ZNF454: variants seen among roughly 807,000 people sequenced by gnomAD.
ZNF454 encodes the protein zinc finger protein 454.
A neutral mutation model predicts 48.2 loss-of-function variants in ZNF454; 30 were observed. The ratio of observed to expected loss-of-function variants is 0.62; its 90% CI spans 0.47 to 0.84. The LOEUF (loss-of-function observed/expected upper bound fraction) is 0.84. Among genes scored for constraint, ZNF454 ranks in the 40% least tolerant of loss-of-function variants. The pLI is 0.00. For synonymous variants in ZNF454, 204 were observed against 211.4 expected (o/e 0.97, Z 0.30); for missense variants, 510 against 623.1 (o/e 0.82, Z 1.93).
Position 178,941,344 on chromosome 5 carries a change from C to T in ZNF454, c.-208C>T. The T allele has an allele frequency of 2.2e-6, 1 of 454,216 alleles. No homozygotes were observed. Among genetic ancestry groups the T allele is most frequent in the Non-Finnish European group, 4.4e-6 (1 of 225,658 alleles). 28.1% of individuals were successfully genotyped at this position (454,216 alleles called of 1,614,324 possible). A position where few individuals can be genotyped will look rare whatever the true frequency, so the allele number is the denominator to read the frequency against. On this transcript the variant is annotated 5_prime_UTR_variant, in exon 1 of 5. Transcript: ENST00000519564. The surrounding 1 kb of genome is among the most constrained non-coding windows in gnomAD (Gnocchi z 5.5). The stretch of plus-strand genomic sequence containing the variant: ...GCCGCAGAGGGAGAGCGGGAGCGGT[C>T]GTGAGGTCGTCTGGGGAGAAGGGCG...
chr5:178,987,374 G>T, the ZNF454 span: 1 of 467,194 alleles, frequency 2.1e-6, no homozygotes, highest in Non-Finnish European at 4.3e-6. Flanking sequence ...GTTCACAGCA[G>T]CGTTATTCAC....
chr5:178,963,685 A>C (rs1760062348), intron 4 of ZNF454, among the ~76,000 whole-genome samples: 2 of 151,766 alleles, frequency 1.3e-5, no homozygotes, highest in Non-Finnish European at 2.9e-5. Context: ...ACTTTGCCAC[A>C]AAATATCTCA....
intron 4 of ZNF454, among the ~76,000 whole-genome samples, chr5:178,960,406 T>C (rs1759964984): frequency 2.6e-5 from 4 of 151,612 alleles, no homozygotes; most frequent in Non-Finnish European, 5.9e-5. Context: ...TACAGGCATG[T>C]GCCACCACGC....
In ZNF454 at chr5:178,946,290, C is replaced by A; in HGVS notation, c.34-69C>A. The A allele has an allele frequency of 6.3e-7, 1 of 1,583,586 alleles. No homozygotes were observed. Among genetic ancestry groups the A allele is most frequent in the Non-Finnish European group, 8.5e-7 (1 of 1,170,382 alleles). ...ATGCGCACAAGCTCCTAGGGGCTGCCAGTCTCTTTTCCAGAGAACCATGTG... is the reference window on the plus strand; with the variant it reads ...ATGCGCACAAGCTCCTAGGGGCTGCAAGTCTCTTTTCCAGAGAACCATGTG... On this transcript the variant is annotated intron_variant, in intron 2 of 4. Transcript: ENST00000519564. The surrounding 1 kb of genome is among the most constrained non-coding windows in gnomAD (Gnocchi z 4.5).
the ZNF454 span, chr5:178,980,239 T>A: frequency 6.5e-6 from 1 of 154,122 alleles, no homozygotes; most frequent in Admixed American, 6.6e-5. The surrounding 1 kb of genome is among the most constrained non-coding windows in gnomAD (Gnocchi z 4.3). Context: ...TATACTGATC[T>A]TAAACAGTGG....
At chr5:178,972,068 G>T in the ZNF454 span, among the ~76,000 whole-genome samples, 1,044 of 151,956 alleles carry the variant, frequency 6.9e-3, 6 homozygotes, top group Non-Finnish European at 0.012. Context: ...CTAGTAGTTG[G>T]GATTACAGGC....
chr5:178,977,784 C>T, the ZNF454 span, among the ~76,000 whole-genome samples: 1 of 152,026 alleles, frequency 6.6e-6, no homozygotes, highest in Non-Finnish European at 1.5e-5. Flanking sequence ...GGTGTTTCGC[C>T]ATGTTGGCCA....
At chr5:178,986,162 G>C in the ZNF454 span, 12,799 of 1,613,856 alleles carry the variant, frequency 7.9e-3, 61 homozygotes, top group Non-Finnish European at 9.9e-3. Context: ...GTGATGACCA[G>C]CTGTGAGGTG....
chr5:178,977,673 G>A, the ZNF454 span, among the ~76,000 whole-genome samples: 6 of 151,852 alleles, frequency 4.0e-5, no homozygotes, highest in South Asian at 4.1e-4. Context: ...GGGTTCAAGC[G>A]ATTCTCCAGC....
At chr5:178,960,500 C>A (rs762761445) in intron 4 of ZNF454, among the ~76,000 whole-genome samples, 1 of 151,024 alleles carries the variant, frequency 6.6e-6, no homozygotes, top group Middle Eastern at 3.5e-3. Flanking sequence ...GTGATCCACC[C>A]GCCTTGGCCT....
the ZNF454 span, among the ~76,000 whole-genome samples, chr5:178,975,912 A>C: frequency 1.6e-4 from 24 of 152,214 alleles, 1 homozygote; most frequent in East Asian, 3.7e-3. Flanking sequence ...CTCTCTCTCT[A>C]TATCTTTATC....
rs546000282 is a variant in ZNF454 at position 178,946,943 on chromosome 5, G to C, written c.207G>C (p.Arg69Ser). The C allele has an allele frequency of 1.7e-5, 27 of 1,614,102 alleles. No individual in the cohort carries two copies. The African/African-American group carries it at 3.5e-4, about 21-fold the overall frequency. Reference sequence around the variant, plus strand: ...ATACGTTTTCCCAGCTAGAAAAAAGGGAAGTGTGGATGCCAGAGGACACCC... The same window carrying C: ...ATACGTTTTCCCAGCTAGAAAAAAGCGAAGTGTGGATGCCAGAGGACACCC... ...KPDTFSQLEK[R>S]EVWMPEDTPG... Residue 69 changes from arginine to serine, a missense_variant, in exon 4 of 5, where the codon AGG becomes AGC. By Grantham distance (110) the Arg-to-Ser change is moderately radical. Coordinates refer to ENST00000519564, the MANE Select transcript of ZNF454 (RefSeq NM_001178089.3). This position sits in a 1 kb window ranked among gnomAD's most constrained non-coding sequence, Gnocchi z 4.5.
chr5:178,978,048 C>T, the ZNF454 span, among the ~76,000 whole-genome samples: 1 of 152,306 alleles, frequency 6.6e-6, no homozygotes, highest in South Asian at 2.1e-4. Context: ...ATTTTTGAAA[C>T]CCCCCAAGCT....
the ZNF454 span, chr5:178,989,777 C>G: frequency 2.8e-6 from 1 of 356,002 alleles, no homozygotes; most frequent in South Asian, 2.4e-5. Flanking sequence ...ATGGGTGGAG[C>G]CTCAGCAGCC....
the ZNF454 span, chr5:178,976,220 G>T: frequency 2.6e-6 from 1 of 390,578 alleles, no homozygotes; most frequent in Non-Finnish European, 5.3e-6. Context: ...CCCGCCAGCT[G>T]CCCCATTCTC....
the ZNF454 span, chr5:178,989,224 TCCCC>T: frequency 1.2e-6 from 1 of 826,408 alleles, no homozygotes; most frequent in Non-Finnish European, 1.7e-6. Context: ...CTCACCACCC[TCCCC>T]ACCCTCCCCA....
At chr5:178,967,213 T>C (rs1760176930), downstream of ZNF454, among the ~76,000 whole-genome samples, 1 of 152,182 alleles carries the variant, frequency 6.6e-6, no homozygotes, top group Non-Finnish European at 1.5e-5. Flanking sequence ...CTTGCTCAGC[T>C]TCAGGTGCAA....
the ZNF454 span, chr5:178,981,953 A>G: frequency 2.3e-6 from 2 of 869,690 alleles, no homozygotes; most frequent in Non-Finnish European, 4.0e-6. The surrounding 1 kb of genome is among the most constrained non-coding windows in gnomAD (Gnocchi z 5.1). Context: ...AGTCTGTTTC[A>G]GTTGGGGAAC....
chr5:178,989,711 G>A, the ZNF454 span: 1 of 480,266 alleles, frequency 2.1e-6, no homozygotes. Flanking sequence ...CTCACCATTT[G>A]AAAGACTTTT....
Sources: allele counts gnomAD v4.1 joint callset (sites outside exome capture counted in the v4.1 genomes callset), GRCh38; gene constraint gnomAD v4.1.1; non-coding constraint Gnocchi (gnomAD v3.1); transcripts MANE v1.5; gene names NCBI Gene and HGNC (gene_info 2026-07-23, HGNC 2026-07-21).